PSMD1: variants seen among roughly 807,000 people sequenced by gnomAD.
PSMD1 encodes the protein proteasome 26S subunit, non-ATPase 1.
PSMD1 carries 18 observed loss-of-function variants against 119.0 expected under a neutral mutation model. The observed-to-expected ratio is 0.15, with a 90% CI of 0.10 to 0.22. The LOEUF is 0.22. Ranked by LOEUF, PSMD1 falls within the 10% of genes least tolerant of loss-of-function variation. The pLI, the probability that PSMD1 is intolerant of heterozygous loss-of-function variation, is 1.00. For synonymous variants in PSMD1, 374 were observed against 396.6 expected, an observed-to-expected ratio of 0.94 and a Z score of 0.68; for missense variants, 702 against 1,158.5, an observed-to-expected ratio of 0.61 and a Z score of 5.72.
chr2:231,138,557 A>AG (rs1162107787), intron 16 of PSMD1, among the ~76,000 whole-genome samples, 179 bp from the exon 17 acceptor site: 1 of 152,232 alleles, frequency 6.6e-6, no homozygotes, highest in Non-Finnish European at 1.5e-5. Context: ...TGAATATTGA[A>AG]GATCAGATTT....
chr2:231,067,917 A>C (rs1331197714), intron 5 of PSMD1, among the ~76,000 whole-genome samples: 8 of 152,110 alleles, frequency 5.3e-5, no homozygotes, highest in Admixed American at 2.6e-4. Flanking sequence ...TCAGCCGCCC[A>C]AAGTGCTGGG....
At chr2:231,091,325 T>G (rs1318589909) in intron 16 of PSMD1, among the ~76,000 whole-genome samples, 1 of 152,232 alleles carries the variant, frequency 6.6e-6, no homozygotes. Context: ...TATGTAACCC[T>G]TGCTCTTAAG....
At chr2:231,135,045 C>A (rs1486900090) in intron 16 of PSMD1, among the ~76,000 whole-genome samples, 2 of 152,110 alleles carry the variant, frequency 1.3e-5, no homozygotes, top group African/African-American at 2.4e-5. Context: ...AGTCTCAGCC[C>A]TTGTGCAGTC....
chr2:231,151,882 G>A (rs1211782229), intron 18 of PSMD1, among the ~76,000 whole-genome samples: 2 of 145,648 alleles, frequency 1.4e-5, no homozygotes, highest in Admixed American at 1.4e-4. Flanking sequence ...GCACGATCTC[G>A]GTTCACTGCA....
At chr2:231,106,670 A>G (rs1694984327) in intron 16 of PSMD1, among the ~76,000 whole-genome samples, 1 of 152,196 alleles carries the variant, frequency 6.6e-6, no homozygotes, top group African/African-American at 2.4e-5. Flanking sequence ...AGGGTTTGAC[A>G]TGAAACAGTT....
intron 16 of PSMD1, among the ~76,000 whole-genome samples, chr2:231,118,201 C>G (rs567038955): frequency 6.6e-6 from 1 of 152,102 alleles, no homozygotes; most frequent in East Asian, 1.9e-4. Context: ...GTGTTTAGAA[C>G]AGTTCCTGGC....
intron 16 of PSMD1, among the ~76,000 whole-genome samples, chr2:231,134,038 C>A (rs377029263): frequency 6.6e-6 from 1 of 152,020 alleles, no homozygotes; most frequent in Non-Finnish European, 1.5e-5. Context: ...TTTTGGTGTG[C>A]GTTTCATTTT....
At chr2:231,128,410 G>A (rs1559243266) in intron 16 of PSMD1, among the ~76,000 whole-genome samples, 2 of 152,162 alleles carry the variant, frequency 1.3e-5, no homozygotes, top group Non-Finnish European at 2.9e-5. Flanking sequence ...TTCCTCTCAT[G>A]TTCATTCTCT....
chr2:231,067,930 T>C (rs1386865288), intron 5 of PSMD1, among the ~76,000 whole-genome samples: 1 of 152,220 alleles, frequency 6.6e-6, no homozygotes, highest in Admixed American at 6.5e-5. Flanking sequence ...GTGCTGGGAT[T>C]ATAGGCATGA....
At chr2:231,116,172 T>C (rs1341305385) in intron 16 of PSMD1, among the ~76,000 whole-genome samples, 1 of 152,158 alleles carries the variant, frequency 6.6e-6, no homozygotes. Flanking sequence ...GAAAAGGACC[T>C]TGGACACAGG....
chr2:231,165,943 C>T lies in PSMD1; in HGVS notation c.2641C>T (p.Pro881Ser). Residue 881 changes from proline (P) to serine (S), a missense_variant, in exon 23 of 25, where the codon CCA (proline) becomes TCA (serine). By Grantham distance (74) the Pro-to-Ser change is moderately conservative. Transcript: ENST00000308696. ...GCCAAACTTCCAGTTATTGGATAAC[C>T]CAGCCCGAGTTATGCCTGCCCAGCT... ...PEPNFQLLDN[P>S]ARVMPAQLKV... 2 of 1,613,748 alleles carry T rather than the reference C, an allele frequency of 1.2e-6. No individual in the cohort carries two copies. The highest frequency in any genetic ancestry group is 1.7e-6 in the Non-Finnish European group (2 of 1,179,780).
chr2:231,067,533 A>G lies in PSMD1; in HGVS notation c.510+422A>G, dbSNP rs150120702. On this transcript the variant is annotated intron_variant, in intron 5 of 24. Coordinates refer to ENST00000308696, the MANE Select transcript of PSMD1 (RefSeq NM_002807.4). ...AAAATGGACATTGATCTGCAGGCTT[A>G]CTTTGCCTCACCAGCTATTTCTTTC... Among the ~76,000 whole-genome samples, 134 of 152,332 alleles carry G rather than the reference A, an allele frequency of 8.8e-4. 1 individual carries two copies. The highest frequency in any genetic ancestry group is 3.0e-3 in the African/African-American group (124 of 41,582).
At chr2:231,123,100 G>T (rs1695602228) in intron 16 of PSMD1, among the ~76,000 whole-genome samples, 1 of 152,000 alleles carries the variant, frequency 6.6e-6, no homozygotes, top group African/African-American at 2.4e-5. Flanking sequence ...TAAAGTATAG[G>T]CCTATTTACT....
Position 231,081,932 on chromosome 2 carries a change from C to A in PSMD1, c.1414-951C>A, listed in dbSNP as rs375160857. Among the ~76,000 whole-genome samples, 4 of 152,194 alleles carry A rather than the reference C, an allele frequency of 2.6e-5. 1 individual carries two copies. In the East Asian group the frequency reaches 7.7e-4, roughly 29 times the overall value. ...ACTCTCATCTATCCTAAACAAAATT[C>A]TTTTCTTGACATCTCCCTCTTAGTT... On this transcript the variant is annotated intron_variant, in intron 12 of 24. Coordinates refer to ENST00000308696, the MANE Select transcript of PSMD1 (RefSeq NM_002807.4).
intron 15 of PSMD1, among the ~76,000 whole-genome samples, chr2:231,086,455 AAGACT>A (rs1694444482): frequency 1.3e-5 from 2 of 151,902 alleles, no homozygotes; most frequent in South Asian, 4.2e-4. Flanking sequence ...TCAGGAGTTT[AAGACT>A]AGCATGTCCA....
chr2:231,057,730 G>T (rs1693639151), intron 1 of PSMD1, among the ~76,000 whole-genome samples: 1 of 152,236 alleles, frequency 6.6e-6, no homozygotes, highest in African/African-American at 2.4e-5. Flanking sequence ...TGCGGAGCAG[G>T]TTTCATACGC....
intron 17 of PSMD1, among the ~76,000 whole-genome samples, chr2:231,143,530 G>A (rs1488490316): frequency 1.3e-5 from 2 of 151,986 alleles, no homozygotes; most frequent in African/African-American, 4.8e-5. Flanking sequence ...GCCCGGCCAG[G>A]GACATTGTGT....
chr2:231,087,108 TC>T lies in PSMD1; in HGVS notation c.1819-4del, dbSNP rs1310125867. On this transcript the variant is annotated splice_region_variant and splice_polypyrimidine_tract_variant and intron_variant, in intron 15 of 24. Transcript: ENST00000308696. ...ATAGTATAATATAATCTTAAACTTT[TC>T]CCCCTAGGTAAGTGATGTTAATGAT... The T allele has an allele frequency of 1.2e-6, 2 of 1,612,702 alleles. No individual in the cohort carries two copies. Among genetic ancestry groups the T allele is most frequent in the Non-Finnish European group, 1.7e-6 (2 of 1,179,148 alleles).
At chr2:231,166,228 T>C (rs2125271821) in intron 23 of PSMD1, among the ~76,000 whole-genome samples, 1 of 152,328 alleles carries the variant, frequency 6.6e-6, no homozygotes. Flanking sequence ...CAAACTCCCG[T>C]CTTCTACCAC....
Sources: gnomAD v4.1 joint callset for allele counts (sites outside exome capture counted in the v4.1 genomes callset) on GRCh38, gnomAD v4.1.1 for gene constraint, MANE v1.5 for transcripts, NCBI Gene and HGNC (gene_info 2026-07-23, HGNC 2026-07-21) for gene names.